FGF14: variants seen among roughly 807,000 people sequenced by gnomAD.
FGF14 encodes the protein fibroblast growth factor homologous factor 4.
Under a neutral mutation model 25.5 loss-of-function variants are expected in FGF14, and 5 were observed. The ratio of observed to expected loss-of-function variants is 0.20; its 90% CI spans 0.10 to 0.41. The LOEUF is 0.41. FGF14 is among the 10% of genes least tolerant of loss of function. FGF14 has a pLI of 1.00. For synonymous variants in FGF14, 138 were observed against 118.3 expected (o/e 1.17, Z -1.08); for missense variants, 222 against 320.1 (o/e 0.69, Z 2.34).
Position 102,111,497 on chromosome 13 carries a change from T to G in FGF14, c.209-236201A>C, listed in dbSNP as rs190561006. ...TGGGAGGCCAAGGCAGGTAGATTGC[T>G]AGAGCACAGGAGTTCGAGAACAGCC... On this transcript the variant is annotated intron_variant, in intron 1 of 4. Transcript: ENST00000376131. Among the ~76,000 whole-genome samples the G allele has an allele frequency of 2.2e-3, 328 of 152,244 alleles. 3 individuals carry two copies. The South Asian group carries it at 0.023, about 11-fold the overall frequency.
chr13:102,208,273 C>T (rs1265198640), intron 1 of FGF14, among the ~76,000 whole-genome samples: 5 of 152,152 alleles, frequency 3.3e-5, no homozygotes, highest in African/African-American at 4.8e-5. Context: ...TGTGCTAAGA[C>T]ACACATCAAG....
At chr13:102,149,789 G>T (rs2047004154) in intron 1 of FGF14, among the ~76,000 whole-genome samples, 2 of 152,168 alleles carry the variant, frequency 1.3e-5, no homozygotes, top group South Asian at 4.1e-4. Flanking sequence ...CTTGTAAGGG[G>T]AGTTAACGAA....
rs192858124 is a variant in FGF14, at chr13:101,883,812, C to T, written c.194-8516G>A. 6.9e-3 allele frequency among the ~76,000 whole-genome samples: 1,042 copies of T among 151,964 alleles called. 9 individuals are homozygous for T. Among genetic ancestry groups the T allele is most frequent in the South Asian group, 0.013 (62 of 4,808 alleles). On this transcript the variant is annotated intron_variant, in intron 1 of 4. Transcript: ENST00000376143. Reference sequence around the variant, plus strand: ...GTATGGTGGCTCACACCTGTAATCCCAGCACTTTGGGAGGCAGAGGCTGGC... The same window carrying T: ...GTATGGTGGCTCACACCTGTAATCCTAGCACTTTGGGAGGCAGAGGCTGGC...
In FGF14 at chr13:101,899,933, T is replaced by C. The variant is rs1057185167; in HGVS notation, c.193+16520A>G. Among the ~76,000 whole-genome samples the C allele has an allele frequency of 3.3e-5, 5 of 152,264 alleles. No homozygotes were observed. In the East Asian group the frequency reaches 9.6e-4, roughly 29 times the overall value. The stretch of plus-strand genomic sequence containing the variant: ...AATGTAATTGTCATACAGAGAATAT[T>C]GCACCTGGCTACAAAATAAAACATA... On this transcript the variant is annotated intron_variant, in intron 1 of 4. Coordinates refer to ENST00000376143, the MANE Select transcript of FGF14 (RefSeq NM_004115.4).
intron 3 of FGF14, among the ~76,000 whole-genome samples, chr13:101,781,459 T>C (rs915392001): frequency 5.9e-5 from 9 of 152,172 alleles, no homozygotes; most frequent in Admixed American, 5.2e-4. Flanking sequence ...TATCGAATAG[T>C]AGACTTTCAA....
chr13:102,269,526 C>A (rs1270133574), intron 1 of FGF14, among the ~76,000 whole-genome samples: 1 of 152,092 alleles, frequency 6.6e-6, no homozygotes, highest in Non-Finnish European at 1.5e-5. Flanking sequence ...GCCTGGCAAT[C>A]TTTATTTTAT....
intron 1 of FGF14, among the ~76,000 whole-genome samples, chr13:102,277,783 A>G (rs897151671): frequency 6.6e-6 from 1 of 152,222 alleles, no homozygotes; most frequent in African/African-American, 2.4e-5. Context: ...CATCCATTAC[A>G]GTGAACCCAC....
chr13:102,332,448 ACT>A (rs2056662023), intron 1 of FGF14, among the ~76,000 whole-genome samples: 1 of 152,098 alleles, frequency 6.6e-6, no homozygotes, highest in Non-Finnish European at 1.5e-5. Context: ...GATTTTATTA[ACT>A]CTGTGTGTGT....
chr13:101,874,460 T>A (rs1344503083), intron 2 of FGF14, among the ~76,000 whole-genome samples: 1 of 152,130 alleles, frequency 6.6e-6, no homozygotes, highest in Non-Finnish European at 1.5e-5. Flanking sequence ...ACTAATATGC[T>A]AAATTAAAAA....
intron 1 of FGF14, among the ~76,000 whole-genome samples, chr13:102,206,042 A>C (rs1486510062): frequency 7.5e-6 from 1 of 133,032 alleles, no homozygotes; most frequent in Non-Finnish European, 1.6e-5. Context: ...AAAGCATTAG[A>C]TTCCAGCTAC....
At chr13:101,862,293 A>G (rs1175308939) in intron 3 of FGF14, among the ~76,000 whole-genome samples, 4 of 151,628 alleles carry the variant, frequency 2.6e-5, no homozygotes, top group South Asian at 2.1e-4. Flanking sequence ...TCTTTCCACA[A>G]TGCTGCCAAA....
At chr13:101,784,845 A>G (rs78916903) in intron 3 of FGF14, among the ~76,000 whole-genome samples, 2,228 of 152,288 alleles carry the variant, frequency 0.015, 54 homozygotes, top group African/African-American at 0.05. Flanking sequence ...CAGCACTCAT[A>G]TCACTGCATA....
chr13:101,878,877 A>AT (rs563607851), intron 1 of FGF14, among the ~76,000 whole-genome samples: 9 of 151,970 alleles, frequency 5.9e-5, no homozygotes, highest in Non-Finnish European at 1.2e-4. Context: ...AAAAATGCTC[A>AT]TTTTTTTCAA....
intron 3 of FGF14, among the ~76,000 whole-genome samples, chr13:101,864,454 C>T (rs1052974045): frequency 5.9e-5 from 9 of 152,050 alleles, no homozygotes; most frequent in Non-Finnish European, 1.5e-5. Context: ...TTAGAATAAC[C>T]GGCAGAAGTG....
intron 1 of FGF14, among the ~76,000 whole-genome samples, chr13:102,089,467 T>C (rs4771415): frequency 0.39 from 59,208 of 152,098 alleles, 13,538 homozygotes; most frequent in Non-Finnish European, 0.51. Context: ...TATACCTGGA[T>C]AAAATCATGT....
At chr13:101,943,387 C>T (rs754817009) in intron 1 of FGF14, among the ~76,000 whole-genome samples, 1 of 152,082 alleles carries the variant, frequency 6.6e-6, no homozygotes, top group Non-Finnish European at 1.5e-5. Context: ...TGATTGCCAC[C>T]CCCAGGGGTA....
intron 1 of FGF14, among the ~76,000 whole-genome samples, chr13:102,377,843 G>C (rs1466374489): frequency 6.6e-6 from 1 of 152,118 alleles, no homozygotes; most frequent in Non-Finnish European, 1.5e-5. Flanking sequence ...CAGATAACTT[G>C]ACAATTTTCT....
chr13:102,387,612 T>C (rs1329130621), intron 1 of FGF14, among the ~76,000 whole-genome samples: 1 of 152,216 alleles, frequency 6.6e-6, no homozygotes, highest in Non-Finnish European at 1.5e-5. Flanking sequence ...CAGGGGTGCA[T>C]GTGCAGGTTT....
At chr13:101,765,526 T>C (rs1192212991) in intron 3 of FGF14, among the ~76,000 whole-genome samples, 1 of 152,120 alleles carries the variant, frequency 6.6e-6, no homozygotes, top group Non-Finnish European at 1.5e-5. Flanking sequence ...GGTGAACTGA[T>C]TGCTTAGGGA....
Sources: allele counts gnomAD v4.1 joint callset (sites outside exome capture counted in the v4.1 genomes callset), GRCh38; gene constraint gnomAD v4.1.1; transcripts MANE v1.5; gene names NCBI Gene and HGNC (gene_info 2026-07-23, HGNC 2026-07-21).